Variants in DMD observed in about 807,000 individuals in gnomAD.
DMD encodes the protein dystrophin, also known as mutant dystrophin.
Under a neutral mutation model 330.1 loss-of-function variants are expected in DMD, and 63 were observed. The observed-to-expected ratio is 0.19, with a 90% CI of 0.16 to 0.24. DMD has a LOEUF of 0.24. Among genes scored for constraint, DMD ranks in the 10% least tolerant of loss-of-function variants. DMD has a pLI of 1.00. For synonymous variants in DMD, 1,223 were observed against 959.8 expected, an observed-to-expected ratio of 1.27 and a Z score of -5.07; for missense variants, 3,344 against 2,684.1, an observed-to-expected ratio of 1.25 and a Z score of -5.43.
In DMD at chrX:31,889,641, T is replaced by TCA. The variant is rs1173379258; in HGVS notation, c.6913-14269_6913-14268insTG. 7.8e-3 allele frequency among the ~76,000 whole-genome samples: 535 copies of TCA among 68,672 alleles called. 5 individuals are homozygous for TCA. The highest frequency in any genetic ancestry group is 0.031 in the African/African-American group (476 of 15,275). The allele number at this position is 68,672 out of a possible 115,157, so 59.6% of individuals were successfully genotyped here. On this transcript the variant is annotated intron_variant, in intron 47 of 78. Coordinates refer to ENST00000357033, the MANE Select transcript of DMD (RefSeq NM_004006.3). Reference sequence around the variant, plus strand: ...CTCTGTCTCTCTCTCTCTCTCTCTCTCTCTCTCACACACACACACACACAC... The same window carrying TCA: ...CTCTGTCTCTCTCTCTCTCTCTCTCTCACTCTCTCACACACACACACACACAC...
intron 45 of DMD, among the ~76,000 whole-genome samples, chrX:31,948,895 T>C (rs1278452890): frequency 9.0e-6 from 1 of 110,727 alleles, no homozygotes; most frequent in Non-Finnish European, 1.9e-5. Flanking sequence ...GTCTCTTCCA[T>C]TGTCAACATT....
At chrX:31,570,784 C>T (rs1006285870) in intron 55 of DMD, among the ~76,000 whole-genome samples, 6 of 111,558 alleles carry the variant, frequency 5.4e-5, no homozygotes, top group Non-Finnish European at 1.1e-4. Flanking sequence ...TCTATGGATA[C>T]AAATTGTACC....
chrX:32,759,651 T>C (rs762593753), intron 7 of DMD, among the ~76,000 whole-genome samples: 1 of 112,051 alleles, frequency 8.9e-6, no homozygotes, highest in Admixed American at 9.5e-5. Context: ...AGTGATTCTT[T>C]AGCAATTTTC....
chrX:31,279,317 A>C (rs899003445), intron 62 of DMD, among the ~76,000 whole-genome samples: 2 of 112,290 alleles, frequency 1.8e-5, no homozygotes, highest in South Asian at 7.4e-4. Context: ...TTCAGAAGAG[A>C]ATTTAGTCCA....
chrX:31,708,100 A>G (rs780980953), intron 52 of DMD, among the ~76,000 whole-genome samples: 1 of 112,109 alleles, frequency 8.9e-6, no homozygotes, highest in Non-Finnish European at 1.9e-5. Flanking sequence ...AGATGTTTAT[A>G]TTTCAGCTAT....
intron 47 of DMD, among the ~76,000 whole-genome samples, chrX:31,903,826 T>C (rs1285493383): frequency 4.5e-5 from 5 of 111,951 alleles, no homozygotes; most frequent in Non-Finnish European, 9.4e-5. Flanking sequence ...AGAAAGAACA[T>C]TACTTCAATA....
chrX:33,003,778 T>C (rs1479011187), intron 2 of DMD, among the ~76,000 whole-genome samples: 1 of 112,379 alleles, frequency 8.9e-6, no homozygotes, highest in Non-Finnish European at 1.9e-5. Context: ...TTAGAAACAG[T>C]CTTCATTTTA....
chrX:32,736,842 A>G (rs952973822), intron 7 of DMD, among the ~76,000 whole-genome samples: 1 of 109,770 alleles, frequency 9.1e-6, no homozygotes, highest in African/African-American at 3.4e-5. Context: ...GGTGCAGCGC[A>G]CCAGCATGGC....
At chrX:33,158,746 T>C (rs1175845562) in intron 1 of DMD, among the ~76,000 whole-genome samples, 10 of 111,426 alleles carry the variant, frequency 9.0e-5, no homozygotes, top group Non-Finnish European at 1.9e-4. Flanking sequence ...AGCACCCCAA[T>C]TAATTGCCCT....
intron 16 of DMD, among the ~76,000 whole-genome samples, chrX:32,561,021 T>G (rs1404964195): frequency 2.7e-5 from 3 of 111,892 alleles, no homozygotes; most frequent in Non-Finnish European, 5.6e-5. Context: ...TCTTCCACAA[T>G]GGATAAACTA....
At chrX:31,335,625 A>G (rs73466379) in intron 61 of DMD, among the ~76,000 whole-genome samples, 2,714 of 112,248 alleles carry the variant, frequency 0.024, 86 homozygotes, top group African/African-American at 0.083. Flanking sequence ...AATGGAGATC[A>G]TGAGGTTGGA....
chrX:32,824,913 C>G (rs946611334), intron 4 of DMD, among the ~76,000 whole-genome samples: 1 of 111,515 alleles, frequency 9.0e-6, no homozygotes, highest in Admixed American at 9.5e-5. Flanking sequence ...GCATCATCAT[C>G]TGCATCATCA....
intron 62 of DMD, among the ~76,000 whole-genome samples, chrX:31,289,578 T>C (rs1323981420): frequency 9.0e-6 from 1 of 110,773 alleles, no homozygotes; most frequent in African/African-American, 3.3e-5. Flanking sequence ...GCATCTTACA[T>C]AGAGTAAGCA....
intron 30 of DMD, among the ~76,000 whole-genome samples, chrX:32,406,820 A>G (rs1008375831): frequency 9.0e-6 from 1 of 111,635 alleles, no homozygotes; most frequent in East Asian, 2.8e-4. Context: ...AAATAATGCC[A>G]CATATCTACA....
chrX:31,758,657 C>T (rs1265418990), intron 51 of DMD, among the ~76,000 whole-genome samples: 2 of 111,086 alleles, frequency 1.8e-5, no homozygotes, highest in Non-Finnish European at 3.8e-5. Context: ...GCAAAAATAG[C>T]CATCATGATT....
chrX:32,378,685 T>C (rs1047466335), intron 34 of DMD, among the ~76,000 whole-genome samples: 1 of 111,014 alleles, frequency 9.0e-6, no homozygotes, highest in African/African-American at 3.3e-5. Flanking sequence ...AAAAAAGAAA[T>C]TGACTCTAGA....
intron 44 of DMD, among the ~76,000 whole-genome samples, chrX:32,152,140 C>T (rs1468063151): frequency 9.0e-6 from 1 of 111,679 alleles, no homozygotes; most frequent in Non-Finnish European, 1.9e-5. Flanking sequence ...GGCAGGATAA[C>T]TTCCTCTATA....
intron 54 of DMD, among the ~76,000 whole-genome samples, chrX:31,631,246 T>C (rs1436131911): frequency 9.1e-6 from 1 of 110,139 alleles, no homozygotes; most frequent in Non-Finnish European, 1.9e-5. Context: ...ACTGGCATAG[T>C]AGATGCTAAG....
At chrX:32,012,771 G>C (rs999093403) in intron 44 of DMD, among the ~76,000 whole-genome samples, 1 of 111,360 alleles carries the variant, frequency 9.0e-6, no homozygotes, top group East Asian at 2.8e-4. Flanking sequence ...ATATTTTTGA[G>C]AGCAAAAGGA....
Sources: gnomAD v4.1 joint callset for allele counts (sites outside exome capture counted in the v4.1 genomes callset) on GRCh38, gnomAD v4.1.1 for gene constraint, MANE v1.5 for transcripts, NCBI Gene and HGNC (gene_info 2026-07-23, HGNC 2026-07-21) for gene names.